Variants in FSIP2 observed in about 807,000 individuals in gnomAD.
FSIP2 encodes fibrous sheath-interacting protein 2.
In FSIP2, 367 loss-of-function variants were observed where a neutral mutation model predicts 510.5. The ratio of observed to expected loss-of-function variants is 0.72; its 90% confidence interval spans 0.66 to 0.78. The LOEUF (loss-of-function observed/expected upper bound fraction) is 0.78, where lower values mean the gene tolerates loss of function less well. FSIP2 is among the 30% of genes least tolerant of loss of function. The pLI, the probability that FSIP2 is intolerant of heterozygous loss-of-function variation, is 0.00. For missense variants in FSIP2, 7,594 were observed against 7,901.7 expected (o/e 0.96, Z 1.48); for synonymous variants, 2,601 against 2,732.2 (o/e 0.95, Z 1.50).
rs1345159133 is a variant in FSIP2, at chr2:185,802,470, C to T, written c.13164C>T (p.Asp4388=). 22 of 1,533,652 alleles carry T rather than the reference C, an allele frequency of 1.4e-5. No individual in the cohort carries two copies. The highest frequency in any genetic ancestry group is 1.9e-5 in the Non-Finnish European group (22 of 1,145,410). ...ATGCTTTAAAGCAGCATGGGCTAGA[C>T]CTTGCTGTTGATAAAGAGTCTGAAG... The part of the protein sequence containing the change: ...YRNALKQHGL[D]LAVDKESEDS... The change falls in exon 17 of 23, where the codon GAC becomes GAT. Residue 4388 remains aspartate, a synonymous_variant. Transcript: ENST00000424728.
At chr2:185,751,765 T>C in intron 7 of FSIP2, among the ~76,000 whole-genome samples, 1 of 102,940 alleles carries the variant, frequency 9.7e-6, no homozygotes, top group Non-Finnish European at 2.1e-5. Flanking sequence ...TTACAGTATA[T>C]GTCTTTAATT....
rs1409004156 is a variant in FSIP2 at position 185,807,734 on chromosome 2, G to A, written c.18428G>A (p.Cys6143Tyr). 1.9e-6 allele frequency: 3 copies of A among 1,611,710 alleles called. No homozygotes were observed. Among genetic ancestry groups the A allele is most frequent in the African/African-American group, 2.7e-5 (2 of 74,776 alleles). Reference protein sequence around the residue: ...YFCGELTPHQCVEVENIVEKI... With the variant: ...YFCGELTPHQYVEVENIVEKI... ...TGTGGAGAGCTAACTCCACATCAGT[G>A]TGTGGAAGTTGAAAACATCGTTGAA... is the stretch of plus-strand genomic sequence containing the variant. The change falls in exon 17 of 23, where the codon TGT (cysteine) becomes TAT (tyrosine). Residue 6143 changes from cysteine (C) to tyrosine (Y), a missense_variant. Coordinates refer to ENST00000424728, the MANE Select transcript of FSIP2 (RefSeq NM_173651.4).
chr2:185,803,896 G>C lies in FSIP2; in HGVS notation c.14590G>C (p.Val4864Leu). 6.6e-7 allele frequency: 1 copy of C among 1,526,282 alleles called. No homozygotes were observed. Among genetic ancestry groups the C allele is most frequent in the Non-Finnish European group, 8.8e-7 (1 of 1,140,062 alleles). 94.5% of individuals were successfully genotyped at this position (1,526,282 alleles called of 1,614,324 possible). A position where few individuals can be genotyped will look rare whatever the true frequency, so the allele number is the denominator to read the frequency against. ...MISAKDIQSM[V>L]DSIYADLSHS... is the part of the protein sequence containing the mutation. Reference sequence around the variant, plus strand: ...TTCAGCAAAAGATATCCAGTCTATGGTTGATTCCATTTATGCTGATCTTTC... The same window carrying C: ...TTCAGCAAAAGATATCCAGTCTATGCTTGATTCCATTTATGCTGATCTTTC... The change falls in exon 17 of 23, where the codon GTT (valine) becomes CTT (leucine). Residue 4864 changes from valine to leucine, a missense_variant. Physicochemically the swap from Val to Leu is conservative, Grantham distance 32. Coordinates refer to ENST00000424728, the MANE Select transcript of FSIP2 (RefSeq NM_173651.4).
chr2:185,811,168 T>C (rs767668783), intron 17 of FSIP2, among the ~76,000 whole-genome samples: 1 of 152,018 alleles, frequency 6.6e-6, no homozygotes, highest in African/African-American at 2.4e-5. Context: ...AAGCAGAGCA[T>C]AAAAGTTTGG....
Position 185,808,463 on chromosome 2 carries a change from CA to C in FSIP2, c.19161del (p.Lys6387AsnfsTer3), listed in dbSNP as rs757389051. 2 of 1,606,000 alleles carry C rather than the reference CA, an allele frequency of 1.2e-6. No homozygotes were observed. Among genetic ancestry groups the C allele is most frequent in the African/African-American group, 2.7e-5 (2 of 74,312 alleles). On this transcript the variant is annotated frameshift_variant, in exon 17 of 23. Transcript: ENST00000424728. LOFTEE classifies it high-confidence loss of function. ...TTAAATAAAATTGCATCTCAACTGT[CA>C]AAATTGGTAACAGCTGAAATTTCCA... is the stretch of plus-strand genomic sequence containing the variant. ...TELNKIASQL[S>X]KLVTAEISRS... is the part of the protein sequence containing the mutation.
At position 185,802,003 on chromosome 2, in the gene FSIP2, AAAAGT is replaced by A; in HGVS notation, c.12699_12703del (p.Lys4233AsnfsTer10). 2 of 1,524,670 alleles carry A rather than the reference AAAAGT, an allele frequency of 1.3e-6. No homozygotes were observed. The highest frequency in any genetic ancestry group is 1.8e-6 in the Non-Finnish European group (2 of 1,142,060). The allele number at this position is 1,524,670 out of a possible 1,614,324, so 94.4% of individuals were successfully genotyped here. On this transcript the variant is annotated frameshift_variant, in exon 17 of 23. Coordinates refer to ENST00000424728, the MANE Select transcript of FSIP2 (RefSeq NM_173651.4). LOFTEE classifies it high-confidence loss of function. ...GTCTGACTCTCTTGTTTCAATACAA[AAAAGT>A]ATAGTAAGCCGAAGCCCAATTATGA...
rs1330215442 is a variant in FSIP2, at chr2:185,739,383, C to T, written c.137C>T (p.Ala46Val). 2.0e-5 allele frequency: 31 copies of T among 1,535,218 alleles called. No homozygotes were observed. Among genetic ancestry groups the T allele is most frequent in the Non-Finnish European group, 2.6e-5 (30 of 1,146,536 alleles). ...HKTHFAGVGP[A>V]QLLDLPLGVK... Reference sequence around the variant, plus strand: ...ACCCACTTTGCAGGGGTTGGACCGGCTCAGCTACTGGACCTACCTCTCGGG... The same window carrying T: ...ACCCACTTTGCAGGGGTTGGACCGGTTCAGCTACTGGACCTACCTCTCGGG... The change falls in exon 2 of 23, where the codon GCT (alanine) becomes GTT (valine). Residue 46 changes from alanine (A) to valine (V), a missense_variant. Ala to Val is a moderately conservative substitution (Grantham distance 64). Coordinates refer to ENST00000424728, the MANE Select transcript of FSIP2 (RefSeq NM_173651.4).
At chr2:185,749,305 A>G (rs1574154086) in intron 7 of FSIP2, among the ~76,000 whole-genome samples, 1 of 152,062 alleles carries the variant, frequency 6.6e-6, no homozygotes, top group African/African-American at 2.4e-5. Context: ...CCATTTATGT[A>G]GGTCTTCTTA....
intron 13 of FSIP2, among the ~76,000 whole-genome samples, chr2:185,770,491 G>T (rs1442396695): frequency 1.3e-5 from 2 of 151,996 alleles, no homozygotes; most frequent in African/African-American, 4.8e-5. Flanking sequence ...GCAGTGGGTG[G>T]GTGCCACGCT....
At chr2:185,747,469 T>C in intron 7 of FSIP2, 46 bp downstream of exon 7, 1 of 1,152,322 alleles carries the variant, frequency 8.7e-7, no homozygotes, top group Non-Finnish European at 1.2e-6. Context: ...GAAGAGAAGA[T>C]TTTGTTTTGG....
chr2:185,808,822 G>C lies in FSIP2; in HGVS notation c.19516G>C (p.Glu6506Gln). The C allele has an allele frequency of 6.2e-7, 1 of 1,612,600 alleles. No homozygotes were observed. ...AFNVIPELEQ[E>Q]KLDQNLSEEE... ...TAATGTGATTCCTGAATTAGAGCAA[G>C]AAAAGTTAGATCAAAATTTATCTGA... Residue 6506 changes from glutamate (E) to glutamine (Q), a missense_variant, in exon 17 of 23, where the codon GAA becomes CAA. Coordinates refer to ENST00000424728, the MANE Select transcript of FSIP2 (RefSeq NM_173651.4).
At position 185,801,402 on chromosome 2, in the gene FSIP2, G is replaced by C; in HGVS notation, c.12096G>C (p.Arg4032Ser). Reference sequence around the variant, plus strand: ...CTGTTCTACGGAATGCTGAAGAAAGGCTGTGTTTTCCACCAGTTCATACAG... The same window carrying C: ...CTGTTCTACGGAATGCTGAAGAAAGCCTGTGTTTTCCACCAGTTCATACAG... ...QVTVLRNAEE[R>S]LCFPPVHTET... is the part of the protein sequence containing the mutation. The change falls in exon 17 of 23, where the codon AGG (arginine) becomes AGC (serine). Residue 4032 changes from arginine (R) to serine (S), a missense_variant. Coordinates refer to ENST00000424728, the MANE Select transcript of FSIP2 (RefSeq NM_173651.4). 1 of 1,534,100 alleles carries C rather than the reference G, an allele frequency of 6.5e-7. No individual in the cohort carries two copies. Among genetic ancestry groups the C allele is most frequent in the Non-Finnish European group, 8.7e-7 (1 of 1,145,558 alleles).
intron 13 of FSIP2, among the ~76,000 whole-genome samples, chr2:185,773,586 G>A (rs1692655714): frequency 6.6e-6 from 1 of 152,074 alleles, no homozygotes; most frequent in Non-Finnish European, 1.5e-5. Context: ...GTGTCTTTGA[G>A]ATTATTTTAT....
intron 8 of FSIP2, among the ~76,000 whole-genome samples, chr2:185,755,967 A>G (rs140245371): frequency 6.6e-6 from 1 of 151,500 alleles, no homozygotes; most frequent in Non-Finnish European, 1.5e-5. Context: ...CTAGAAAAAC[A>G]TTCTATCCCT....
intron 7 of FSIP2, among the ~76,000 whole-genome samples, chr2:185,749,097 T>C (rs965673980): frequency 6.6e-6 from 1 of 152,026 alleles, no homozygotes; most frequent in African/African-American, 2.4e-5. Flanking sequence ...TCTTACACAT[T>C]TTTCTATTTC....
chr2:185,758,016 A>T (rs1692276157), intron 9 of FSIP2, among the ~76,000 whole-genome samples: 1 of 151,122 alleles, frequency 6.6e-6, no homozygotes, highest in Admixed American at 6.6e-5. Context: ...TGGGATTATT[A>T]TCAAATAGTA....
Position 185,746,658 on chromosome 2 carries a change from C to T in FSIP2, c.618-11C>T. The T allele has an allele frequency of 6.7e-7, 1 of 1,500,006 alleles. No homozygotes were observed. Among genetic ancestry groups the T allele is most frequent in the Non-Finnish European group, 8.8e-7 (1 of 1,132,002 alleles). The allele number at this position is 1,500,006 out of a possible 1,614,324, so 92.9% of individuals were successfully genotyped here. ...CAATTCACCTTTAGCAATATTTGCA[C>T]TCTTACTCAGATATTTGGATATGAT... On this transcript the variant is annotated splice_polypyrimidine_tract_variant and intron_variant, in intron 5 of 22. Transcript: ENST00000424728.
At position 185,789,158 on chromosome 2, in the gene FSIP2, G is replaced by T. The variant is rs1574180129; in HGVS notation, c.2022G>T (p.Leu674Phe). The change falls in exon 16 of 23, where the codon TTG becomes TTT. Residue 674 changes from leucine to phenylalanine, a missense_variant. Physicochemically the swap from Leu to Phe is conservative, Grantham distance 22. Coordinates refer to ENST00000424728, the MANE Select transcript of FSIP2 (RefSeq NM_173651.4). ...AAACAGATAGCTTAGGGAGTTCATT[G>T]CATTGTGATAAAACAGCAAAAGCCA... is the stretch of plus-strand genomic sequence containing the variant. Reference protein sequence around the residue: ...TTETDSLGSSLHCDKTAKAMD... With the variant: ...TTETDSLGSSFHCDKTAKAMD... 6.5e-7 allele frequency: 1 copy of T among 1,534,896 alleles called. No individual in the cohort carries two copies. Among genetic ancestry groups the T allele is most frequent in the Non-Finnish European group, 8.7e-7 (1 of 1,145,954 alleles).
chr2:185,756,010 T>C (rs1692239374), intron 8 of FSIP2, among the ~76,000 whole-genome samples, 182 bp from the exon 9 acceptor site: 1 of 151,532 alleles, frequency 6.6e-6, no homozygotes, highest in Non-Finnish European at 1.5e-5. Flanking sequence ...AGGGATAATA[T>C]TTCAAGAATT....
Sources: gnomAD v4.1 joint callset for allele counts (sites outside exome capture counted in the v4.1 genomes callset) on GRCh38, gnomAD v4.1.1 for gene constraint, MANE v1.5 for transcripts, NCBI Gene and HGNC (gene_info 2026-07-23, HGNC 2026-07-21) for gene names.